HS3ST4: variants seen among roughly 807,000 people sequenced by gnomAD.
HS3ST4 encodes heparan sulfate-glucosamine 3-sulfotransferase 4, also known as heparan sulfate glucosamine 3-O-sulfotransferase 4.
HS3ST4 carries 17 observed loss-of-function variants against 29.2 expected under a neutral mutation model. The ratio of observed to expected loss-of-function variants is 0.58; its 90% confidence interval spans 0.40 to 0.87. The LOEUF is 0.87. Ranked by LOEUF, HS3ST4 falls within the 40% of genes least tolerant of loss-of-function variation. The probability of loss-of-function intolerance (pLI) is 0.00; values close to 1 mark genes in which losing one functional copy is unlikely to be tolerated. For synonymous variants in HS3ST4, 314 were observed against 285.7 expected, an observed-to-expected ratio of 1.10 and a Z score of -1.00; for missense variants, 627 against 634.5, an observed-to-expected ratio of 0.99 and a Z score of 0.13.
chr16:25,805,012 G>T (rs775537366), intron 1 of HS3ST4, among the ~76,000 whole-genome samples: 7 of 152,164 alleles, frequency 4.6e-5, no homozygotes, highest in South Asian at 4.1e-4. Context: ...GGTACACAGG[G>T]GCTTGGGACC....
chr16:26,078,751 G>C (rs1054452169), intron 1 of HS3ST4, among the ~76,000 whole-genome samples: 1 of 152,196 alleles, frequency 6.6e-6, no homozygotes, highest in Non-Finnish European at 1.5e-5. Context: ...TTCAACAAGA[G>C]ATTTGACTTG....
chr16:25,774,757 T>G (rs898680639), intron 1 of HS3ST4, among the ~76,000 whole-genome samples: 4 of 152,242 alleles, frequency 2.6e-5, no homozygotes, highest in Admixed American at 2.6e-4. Context: ...CTCTTCTGCA[T>G]GCAGTACCTA....
chr16:25,977,828 A>T (rs1260959692), intron 1 of HS3ST4, among the ~76,000 whole-genome samples: 1 of 152,202 alleles, frequency 6.6e-6, no homozygotes, highest in Non-Finnish European at 1.5e-5. Context: ...AACACCAAGC[A>T]CTTCTGAGTG....
At chr16:25,882,347 C>T (rs1002186655) in intron 1 of HS3ST4, among the ~76,000 whole-genome samples, 12 of 152,282 alleles carry the variant, frequency 7.9e-5, no homozygotes, top group Admixed American at 2.6e-4. Context: ...TCCCTCCAGT[C>T]TAGCACCACC....
At chr16:26,110,061 C>G (rs1300990214) in intron 1 of HS3ST4, among the ~76,000 whole-genome samples, 2 of 152,088 alleles carry the variant, frequency 1.3e-5, no homozygotes, top group African/African-American at 2.4e-5. Context: ...TCCTTCACCC[C>G]CTGAACCTGG....
Position 25,884,416 on chromosome 16 carries a change from C to T in HS3ST4, c.734+191265C>T, listed in dbSNP as rs1277812141. Among the ~76,000 whole-genome samples the T allele has an allele frequency of 2.6e-5, 4 of 152,214 alleles. No individual in the cohort carries two copies. The East Asian group carries it at 7.7e-4, about 29-fold the overall frequency. Reference sequence around the variant, plus strand: ...CAGCATGCACACACACATGTGCCCGCAGGCAAAGTTCAACAAATCCTGTTT... The same window carrying T: ...CAGCATGCACACACACATGTGCCCGTAGGCAAAGTTCAACAAATCCTGTTT... On this transcript the variant is annotated intron_variant, in intron 1 of 1. Transcript: ENST00000331351.
intron 1 of HS3ST4, among the ~76,000 whole-genome samples, chr16:25,763,784 G>A (rs1377463360): frequency 6.6e-6 from 1 of 152,178 alleles, no homozygotes; most frequent in Non-Finnish European, 1.5e-5. Flanking sequence ...TAAACAGATT[G>A]TATTCTATGT....
intron 1 of HS3ST4, among the ~76,000 whole-genome samples, chr16:25,730,032 T>G (rs1035271538): frequency 2.6e-5 from 4 of 152,210 alleles, no homozygotes; most frequent in Non-Finnish European, 4.4e-5. Flanking sequence ...CAGGTCACTT[T>G]TGAGAGTTTT....
At chr16:25,974,629 C>T (rs1343677531) in intron 1 of HS3ST4, among the ~76,000 whole-genome samples, 2 of 152,118 alleles carry the variant, frequency 1.3e-5, no homozygotes, top group Non-Finnish European at 1.5e-5. Context: ...AGAAGCATAG[C>T]ATGGAATGTA....
At chr16:25,726,653 C>T (rs998630747) in intron 1 of HS3ST4, among the ~76,000 whole-genome samples, 2 of 152,152 alleles carry the variant, frequency 1.3e-5, no homozygotes, top group Non-Finnish European at 2.9e-5. Flanking sequence ...CCTGCCCTCA[C>T]ATATGAAAAC....
chr16:25,777,668 T>C (rs1305466693), intron 1 of HS3ST4, among the ~76,000 whole-genome samples: 1 of 152,158 alleles, frequency 6.6e-6, no homozygotes, highest in Non-Finnish European at 1.5e-5. Flanking sequence ...CTTGGGAGGC[T>C]GGGGCAGGAG....
chr16:25,730,497 T>G (rs1966564031), intron 1 of HS3ST4, among the ~76,000 whole-genome samples: 2 of 143,446 alleles, frequency 1.4e-5, no homozygotes, highest in African/African-American at 5.2e-5. Flanking sequence ...TTTCCTTCTC[T>G]TTTCCTTCCT....
chr16:25,980,275 T>A (rs1000534943), intron 1 of HS3ST4, among the ~76,000 whole-genome samples: 4 of 152,218 alleles, frequency 2.6e-5, no homozygotes, highest in Non-Finnish European at 4.4e-5. Flanking sequence ...CAACGTGCTC[T>A]CAGCCCTCTT....
chr16:26,085,910 T>TAATAATAATAAC (rs1366543086), intron 1 of HS3ST4, among the ~76,000 whole-genome samples: 4 of 147,964 alleles, frequency 2.7e-5, no homozygotes, highest in African/African-American at 9.9e-5. Context: ...ATAATAATAA[T>TAATAATAATAAC]AACAATAATA....
chr16:25,732,762 G>A (rs544762654), intron 1 of HS3ST4, among the ~76,000 whole-genome samples: 10 of 152,258 alleles, frequency 6.6e-5, no homozygotes, highest in South Asian at 2.1e-4. Context: ...ATGGATTATC[G>A]GAAGCCCTGT....
intron 1 of HS3ST4, among the ~76,000 whole-genome samples, chr16:25,948,598 A>G (rs568117428): frequency 2.0e-3 from 304 of 152,136 alleles, no homozygotes; most frequent in Non-Finnish European, 3.5e-3. Flanking sequence ...CCCAGTCTGT[A>G]CCCCTTTGTT....
intron 1 of HS3ST4, among the ~76,000 whole-genome samples, chr16:25,873,488 A>G (rs151139613): frequency 0.25 from 26,195 of 104,540 alleles, 2,753 homozygotes; most frequent in East Asian, 0.41. Flanking sequence ...CTCTCTATCT[A>G]TCTATCTATC....
intron 1 of HS3ST4, among the ~76,000 whole-genome samples, chr16:25,863,026 T>A (rs1016471017): frequency 2.0e-5 from 3 of 152,364 alleles, no homozygotes; most frequent in African/African-American, 7.2e-5. Context: ...AGTAATGGGA[T>A]TAGGCATTTC....
At chr16:25,986,097 C>CACA (rs1206254780) in intron 1 of HS3ST4, among the ~76,000 whole-genome samples, 1 of 152,046 alleles carries the variant, frequency 6.6e-6, no homozygotes, top group Non-Finnish European at 1.5e-5. Context: ...CTGCTCTGAC[C>CACA]ACACTATTTA....
Sources: gnomAD v4.1 joint callset for allele counts (sites outside exome capture counted in the v4.1 genomes callset) on GRCh38, gnomAD v4.1.1 for gene constraint, MANE v1.5 for transcripts, NCBI Gene and HGNC (gene_info 2026-07-23, HGNC 2026-07-21) for gene names.